The following GPR20 variants were observed in gnomAD, a reference collection of about 807,000 sequenced individuals.
GPR20 encodes the protein G protein-coupled receptor 20.
For missense variants in GPR20, 494 were observed against 527.4 expected (o/e 0.94, Z 0.62); for synonymous variants, 241 against 241.9 (o/e 1.00, Z 0.04).
At chr8:141,361,521 A>G (rs985344746) in intron 1 of GPR20, among the ~76,000 whole-genome samples, 10 of 152,292 alleles carry the variant, frequency 6.6e-5, no homozygotes, top group African/African-American at 2.4e-4. Flanking sequence ...CAGACACAGG[A>G]AGTGATGAAA....
rs1335008369 is a variant in GPR20 at position 141,357,762 on chromosome 8, C to T, written c.162G>A (p.Leu54=). 2 of 1,613,336 alleles carry T rather than the reference C, an allele frequency of 1.2e-6. No individual in the cohort carries two copies. Among genetic ancestry groups the T allele is most frequent in the Admixed American group, 3.3e-5 (2 of 60,002 alleles). Residue 54 remains leucine (L), a synonymous_variant, in exon 2 of 2, where the codon CTG becomes CTA. Transcript: ENST00000377741. ...ELHGTFPGLW[L]ALMAVHGAIF... ...TGGCTCCGTGCACCGCCATCAGCGCCAGCCACAGGCCTGGGAAGGTGCCAT... is the reference window on the plus strand; with the variant it reads ...TGGCTCCGTGCACCGCCATCAGCGCTAGCCACAGGCCTGGGAAGGTGCCAT...
intron 1 of GPR20, among the ~76,000 whole-genome samples, chr8:141,362,633 C>G (rs904999689): frequency 2.0e-5 from 3 of 152,214 alleles, no homozygotes; most frequent in Non-Finnish European, 4.4e-5. Flanking sequence ...TTGGCTTCCA[C>G]CCCCAGCCCC....
At chr8:141,365,993 C>T (rs768657000) in intron 1 of GPR20, among the ~76,000 whole-genome samples, 1 of 152,230 alleles carries the variant, frequency 6.6e-6, no homozygotes, top group Non-Finnish European at 1.5e-5. Context: ...CACTGAGTCA[C>T]TGCTGAGTGA....
In GPR20 at chr8:141,357,695, C is replaced by T. The variant is rs374341766; in HGVS notation, c.229G>A (p.Val77Ile). 79 of 1,613,472 alleles carry T rather than the reference C, an allele frequency of 4.9e-5. No individual in the cohort carries two copies. Among genetic ancestry groups the T allele is most frequent in the Non-Finnish European group, 6.2e-5 (73 of 1,180,008 alleles). The change falls in exon 2 of 2, where the codon GTC becomes ATC. Residue 77 changes from valine (V) to isoleucine (I), a missense_variant. Coordinates refer to ENST00000377741, the MANE Select transcript of GPR20 (RefSeq NM_005293.3). ...GLVLNGLALY[V>I]FCCRTRAKTP... ...TTGGCCCGGGTGCGGCAGCAGAAGACGTACAGCGCCAGCCCGTTGAGCACC... is the reference window on the plus strand; with the variant it reads ...TTGGCCCGGGTGCGGCAGCAGAAGATGTACAGCGCCAGCCCGTTGAGCACC...
chr8:141,358,900 AG>A (rs1563705924), intron 1 of GPR20, among the ~76,000 whole-genome samples: 1 of 150,830 alleles, frequency 6.6e-6, no homozygotes. Context: ...TGGCCTGGGC[AG>A]GGGGGCCAGG....
intron 1 of GPR20, among the ~76,000 whole-genome samples, chr8:141,358,233 G>A (rs531656851): frequency 2.0e-5 from 3 of 152,244 alleles, no homozygotes; most frequent in Non-Finnish European, 2.9e-5. Flanking sequence ...TTCTGCGACC[G>A]TCCTGGCACG....
rs753141338 is a variant in GPR20 at position 141,357,920 on chromosome 8, G to A, written c.4C>T (p.Pro2Ser). 2 of 1,534,742 alleles carry A rather than the reference G, an allele frequency of 1.3e-6. No individual in the cohort carries two copies. Among genetic ancestry groups the A allele is most frequent in the Non-Finnish European group, 1.8e-6 (2 of 1,132,652 alleles). Residue 2 changes from proline (P) to serine (S), a missense_variant, in exon 2 of 2, where the codon CCC becomes TCC. Transcript: ENST00000377741. ...GAGGGCCCCGCTGGAGACACAGAGGGCATGACGGCAGCCAGCACACCCCAG... is the reference window on the plus strand; with the variant it reads ...GAGGGCCCCGCTGGAGACACAGAGGACATGACGGCAGCCAGCACACCCCAG... Reference protein sequence around the residue: MPSVSPAGPSAG... With the variant: MSSVSPAGPSAG...
chr8:141,363,251 C>T (rs1831763284), intron 1 of GPR20, among the ~76,000 whole-genome samples: 1 of 152,224 alleles, frequency 6.6e-6, no homozygotes, highest in South Asian at 2.1e-4. Flanking sequence ...GCAGACACCC[C>T]CAACATGGGA....
At chr8:141,362,339 C>T (rs767950564) in intron 1 of GPR20, among the ~76,000 whole-genome samples, 4 of 152,090 alleles carry the variant, frequency 2.6e-5, no homozygotes, top group African/African-American at 9.7e-5. Context: ...GTTCATCCCA[C>T]GGCGCTGCTA....
In GPR20 at chr8:141,356,720, G is replaced by A; in HGVS notation, c.*127C>T. On this transcript the variant is annotated 3_prime_UTR_variant, in exon 2 of 2. Coordinates refer to ENST00000377741, the MANE Select transcript of GPR20 (RefSeq NM_005293.3). ...AGCACAGTGGCCTTAGACGCTCAAT[G>A]CGGTGCTCTGGGTAGCCATCACCAA... 1 of 644,966 alleles carries A rather than the reference G, an allele frequency of 1.6e-6. No individual in the cohort carries two copies. The highest frequency in any genetic ancestry group is 2.0e-5 in the South Asian group (1 of 50,590). The allele number at this position is 644,966 out of a possible 1,614,324, so 40.0% of individuals were successfully genotyped here.
chr8:141,362,421 C>G (rs1471336232), intron 1 of GPR20, among the ~76,000 whole-genome samples: 2 of 152,224 alleles, frequency 1.3e-5, no homozygotes, highest in Non-Finnish European at 2.9e-5. Context: ...GAGCTCCCAT[C>G]TGTTCCACCA....
At chr8:141,363,654 C>T (rs974980568) in intron 1 of GPR20, among the ~76,000 whole-genome samples, 6 of 152,248 alleles carry the variant, frequency 3.9e-5, no homozygotes, top group East Asian at 1.9e-4. Flanking sequence ...AGGCCTCCAG[C>T]GGGGCACCAG....
intron 1 of GPR20, among the ~76,000 whole-genome samples, chr8:141,364,204 C>A (rs56251106): frequency 4.6e-5 from 7 of 152,162 alleles, no homozygotes; most frequent in African/African-American, 1.7e-4. Context: ...GGGGATTCTC[C>A]GGGCCCTGAG....
intron 1 of GPR20, among the ~76,000 whole-genome samples, chr8:141,358,914 G>T (rs534053693): frequency 5.3e-5 from 8 of 150,538 alleles, no homozygotes; most frequent in African/African-American, 9.8e-5. Flanking sequence ...GGGCCAGGGT[G>T]GGGGGCGGGC....
chr8:141,362,666 C>T (rs1464141909), intron 1 of GPR20, among the ~76,000 whole-genome samples: 1 of 152,148 alleles, frequency 6.6e-6, no homozygotes, highest in African/African-American at 2.4e-5. Context: ...CATGAGTCCT[C>T]CCAGCCGAGC....
At position 141,356,655 on chromosome 8, in the gene GPR20, A is replaced by T. The variant is rs1457974776; in HGVS notation, c.*192T>A. The stretch of plus-strand genomic sequence containing the variant: ...AAATCACCGGCATTCAGGCCACCAC[A>T]TCCCATCGGAGCCAGTGGCAGACAT... On this transcript the variant is annotated 3_prime_UTR_variant, in exon 2 of 2. Transcript: ENST00000377741. 5 of 522,086 alleles carry T rather than the reference A, an allele frequency of 9.6e-6. No homozygotes were observed. The highest frequency in any genetic ancestry group is 1.7e-5 in the Non-Finnish European group (5 of 297,182). 32.3% of individuals were successfully genotyped at this position (522,086 alleles called of 1,614,324 possible). A position where few individuals can be genotyped will look rare whatever the true frequency, so the allele number is the denominator to read the frequency against.
intron 1 of GPR20, among the ~76,000 whole-genome samples, chr8:141,363,877 G>A (rs1265746834): frequency 6.6e-6 from 1 of 152,260 alleles, no homozygotes; most frequent in African/African-American, 2.4e-5. Flanking sequence ...GAGCCTGCCT[G>A]GGGGTCTGGC....
intron 1 of GPR20, among the ~76,000 whole-genome samples, chr8:141,361,551 C>A (rs1452464295): frequency 1.3e-5 from 2 of 152,144 alleles, no homozygotes; most frequent in African/African-American, 4.8e-5. Flanking sequence ...AAGCTGCCAG[C>A]GGGGGACCCA....
intron 1 of GPR20, among the ~76,000 whole-genome samples, chr8:141,360,755 G>A (rs529687970): frequency 2.0e-5 from 3 of 152,304 alleles, no homozygotes; most frequent in South Asian, 2.1e-4. Context: ...CGGAGGGCCC[G>A]GGTGATGAGC....
Sources: gnomAD v4.1 joint callset for allele counts (sites outside exome capture counted in the v4.1 genomes callset) on GRCh38, gnomAD v4.1.1 for gene constraint, MANE v1.5 for transcripts, NCBI Gene and HGNC (gene_info 2026-07-23, HGNC 2026-07-21) for gene names.